Variants in FHIT observed in about 807,000 individuals in gnomAD.
FHIT encodes the protein bis(5'-adenosyl)-triphosphatase.
Under a neutral mutation model 17.9 loss-of-function variants are expected in FHIT, and 19 were observed. That is an observed-to-expected ratio of 1.06 (90% CI 0.74 to 1.56). The LOEUF is 1.56. FHIT is among the 40% of genes most tolerant of loss of function. FHIT has a pLI of 0.00. For missense variants in FHIT, 248 were observed against 189.2 expected (o/e 1.31, Z -1.82); for synonymous variants, 81 against 69.7 (o/e 1.16, Z -0.81).
chr3:60,620,762 G>A (rs2039101101), intron 4 of FHIT, among the ~76,000 whole-genome samples: 1 of 152,200 alleles, frequency 6.6e-6, no homozygotes, highest in East Asian at 1.9e-4. Flanking sequence ...AAACCCATAG[G>A]ATGTACAATG....
rs540462820 is a variant in FHIT, at chr3:60,014,895, A to C, written c.104-743T>G. ...GCAACGTATTTACACTATTGGTCTC[A>C]GCAACATATAAGATCTGAGAAAAAA... On this transcript the variant is annotated intron_variant, in intron 5 of 9. Transcript: ENST00000492590. Among the ~76,000 whole-genome samples the C allele has an allele frequency of 6.6e-5, 10 of 152,324 alleles. No individual in the cohort carries two copies. The South Asian group carries it at 8.3e-4, about 13-fold the overall frequency.
intron 5 of FHIT, among the ~76,000 whole-genome samples, chr3:60,220,792 A>G (rs1703925625): frequency 6.6e-6 from 1 of 152,212 alleles, no homozygotes. Flanking sequence ...GAGGAAGCAC[A>G]GATTATACAT....
intron 2 of FHIT, among the ~76,000 whole-genome samples, chr3:61,163,807 GTTTC>G (rs769244023): frequency 1.3e-5 from 2 of 152,042 alleles, no homozygotes; most frequent in Non-Finnish European, 2.9e-5. Context: ...AAGTTTCCCT[GTTTC>G]TTTGAGTCTT....
chr3:60,367,671 A>G (rs1700164146), intron 5 of FHIT, among the ~76,000 whole-genome samples: 1 of 152,230 alleles, frequency 6.6e-6, no homozygotes, highest in African/African-American at 2.4e-5. Flanking sequence ...CCAATTTTTA[A>G]AAACAACAAA....
rs144225366 is a variant in FHIT at position 60,928,265 on chromosome 3, C to T, written c.-110-106254G>A. Among the ~76,000 whole-genome samples, 876 of 147,548 alleles carry T rather than the reference C, an allele frequency of 5.9e-3. 7 individuals are homozygous for T. Among genetic ancestry groups the T allele is most frequent in the African/African-American group, 0.021 (816 of 39,728 alleles). Reference sequence around the variant, plus strand: ...TCTCCACTATTGTCCTATGACCCTGCGAAATCCCCCTCTCTGAGAAACACC... The same window carrying T: ...TCTCCACTATTGTCCTATGACCCTGTGAAATCCCCCTCTCTGAGAAACACC... On this transcript the variant is annotated intron_variant, in intron 3 of 9. Transcript: ENST00000492590.
At chr3:60,609,656 C>A (rs181108678) in intron 4 of FHIT, among the ~76,000 whole-genome samples, 20 of 152,206 alleles carry the variant, frequency 1.3e-4, no homozygotes, top group Non-Finnish European at 2.5e-4. Context: ...GAAAAGCATT[C>A]TTCATTGTTT....
chr3:60,283,351 T>C, intron 5 of FHIT, among the ~76,000 whole-genome samples: 1 of 152,102 alleles, frequency 6.6e-6, no homozygotes, highest in East Asian at 1.9e-4. Context: ...CAAAATCATA[T>C]AATATATATT....
At chr3:60,427,249 A>T (rs1263718814) in intron 5 of FHIT, among the ~76,000 whole-genome samples, 1 of 152,120 alleles carries the variant, frequency 6.6e-6, no homozygotes, top group African/African-American at 2.4e-5. Context: ...CTAGGAGCTG[A>T]GAATGAACGC....
rs139220260 is a variant in FHIT, at chr3:59,811,914, C to T, written c.349-59593G>A. ...ACAAGGGGTTATGGATTCCCACAGC[C>T]TCACAGGCCCAGCTGAATAGGAAGC... On this transcript the variant is annotated intron_variant, in intron 8 of 9. Transcript: ENST00000492590. Among the ~76,000 whole-genome samples, 202 of 152,332 alleles carry T rather than the reference C, an allele frequency of 1.3e-3. 1 individual carries two copies. The highest frequency in any genetic ancestry group is 2.6e-3 in the African/African-American group (108 of 41,570).
chr3:61,101,714 TC>T (rs1382721168), intron 2 of FHIT, among the ~76,000 whole-genome samples: 1 of 152,188 alleles, frequency 6.6e-6, no homozygotes, highest in Non-Finnish European at 1.5e-5. Context: ...TTTGTTTGTG[TC>T]CTCTTTTATT....
At chr3:60,780,049 TAGA>T (rs781990937) in intron 4 of FHIT, among the ~76,000 whole-genome samples, 2 of 152,130 alleles carry the variant, frequency 1.3e-5, no homozygotes, top group Admixed American at 6.5e-5. Flanking sequence ...GATGCAAGGA[TAGA>T]AGATGGAAAG....
chr3:61,175,045 G>A (rs778786201), intron 2 of FHIT, among the ~76,000 whole-genome samples: 114 of 152,086 alleles, frequency 7.5e-4, no homozygotes, highest in Middle Eastern at 6.8e-3. Context: ...GGACGTCTGC[G>A]AAACCCTCAC....
chr3:60,169,892 C>G (rs748555701), intron 5 of FHIT, among the ~76,000 whole-genome samples: 11 of 152,154 alleles, frequency 7.2e-5, no homozygotes, highest in East Asian at 1.9e-4. Flanking sequence ...CCCTACAGCA[C>G]TAATCTGTAA....
At chr3:60,214,930 A>G (rs1703629142) in intron 5 of FHIT, among the ~76,000 whole-genome samples, 1 of 152,124 alleles carries the variant, frequency 6.6e-6, no homozygotes, top group African/African-American at 2.4e-5. Context: ...GAAACCAAAT[A>G]CAACACCCTC....
At chr3:60,638,416 C>CATGTGAATCTAGGATCAAT (rs1455108344) in intron 4 of FHIT, among the ~76,000 whole-genome samples, 2 of 152,182 alleles carry the variant, frequency 1.3e-5, no homozygotes, top group African/African-American at 4.8e-5. Context: ...ACACTGACAA[C>CATGTGAATCTAGGATCAAT]ATGTGAATCT....
chr3:60,576,946 G>GCA (rs1405117424), intron 4 of FHIT, among the ~76,000 whole-genome samples: 1 of 32,742 alleles, frequency 3.1e-5, no homozygotes, highest in Non-Finnish European at 5.2e-5. Flanking sequence ...GCATCCATTT[G>GCA]CATACACACA....
Position 60,190,621 on chromosome 3 carries a change from G to T in FHIT, c.104-176469C>A, listed in dbSNP as rs566789357. ...ACATCACTGGGGACTGTTGTGGGGT[G>T]GGGGAGCAGGGAGGGATAGCATTAG... On this transcript the variant is annotated intron_variant, in intron 5 of 9. Coordinates refer to ENST00000492590, the MANE Select transcript of FHIT (RefSeq NM_002012.4). Among the ~76,000 whole-genome samples, 343 of 152,010 alleles carry T rather than the reference G, an allele frequency of 2.3e-3. 2 individuals carry two copies. The highest frequency in any genetic ancestry group is 3.8e-3 in the Non-Finnish European group (255 of 67,978).
chr3:61,237,825 C>T (rs1013459718), intron 1 of FHIT, among the ~76,000 whole-genome samples: 29 of 152,160 alleles, frequency 1.9e-4, no homozygotes, highest in Non-Finnish European at 4.1e-4. Context: ...GATGACACAG[C>T]AAATGAGAGG....
intron 5 of FHIT, among the ~76,000 whole-genome samples, chr3:60,115,137 G>C (rs2107195948): frequency 6.6e-6 from 1 of 152,122 alleles, no homozygotes; most frequent in East Asian, 1.9e-4. Context: ...TAAGTATAAA[G>C]ATCTTAAAAC....
Sources: allele counts gnomAD v4.1 joint callset (sites outside exome capture counted in the v4.1 genomes callset), GRCh38; gene constraint gnomAD v4.1.1; transcripts MANE v1.5; gene names NCBI Gene and HGNC (gene_info 2026-07-23, HGNC 2026-07-21).